The following TADA2B variants were observed in gnomAD, a reference collection of about 807,000 sequenced individuals.
TADA2B encodes transcriptional adaptor 2B.
A neutral mutation model predicts 34.5 loss-of-function variants in TADA2B; 13 were observed. The observed-to-expected ratio is 0.38, with a 90% CI of 0.25 to 0.60. The LOEUF (loss-of-function observed/expected upper bound fraction) is 0.60. TADA2B is among the 20% of genes least tolerant of loss of function. The pLI is 0.65. For missense variants in TADA2B, 442 were observed against 575.0 expected (o/e 0.77, Z 2.37); for synonymous variants, 240 against 243.4 (o/e 0.99, Z 0.13).
chr4:7,050,592 G>A (rs960994196), intron 1 of TADA2B, among the ~76,000 whole-genome samples: 2 of 152,212 alleles, frequency 1.3e-5, no homozygotes, highest in South Asian at 2.1e-4. Flanking sequence ...TGGGGCCACC[G>A]AGGGACAGCA....
chr4:7,051,189 A>G (rs1251275517), intron 1 of TADA2B, among the ~76,000 whole-genome samples: 1 of 152,184 alleles, frequency 6.6e-6, no homozygotes, highest in East Asian at 1.9e-4. Context: ...GGGTCACTGA[A>G]GGCTTCCTGG....
intron 1 of TADA2B, among the ~76,000 whole-genome samples, chr4:7,049,485 A>G (rs527734704): frequency 2.0e-5 from 3 of 152,358 alleles, no homozygotes; most frequent in South Asian, 4.1e-4. Flanking sequence ...TTGAGGGCCA[A>G]TGACAACTCT....
At position 7,054,557 on chromosome 4, in the gene TADA2B, C is replaced by T. The variant is rs1723845181; in HGVS notation, c.766C>T (p.Arg256Cys). 2 of 1,613,736 alleles carry T rather than the reference C, an allele frequency of 1.2e-6. No individual in the cohort carries two copies. The highest frequency in any genetic ancestry group is 1.3e-5 in the African/African-American group (1 of 74,920). ...GATCACCAAGGAGGAGAAGGAGCTG[C>T]GCCTGAAGCTGAGGCCGCTGTACCA... ...RKITKEEKEL[R>C]LKLRPLYQFM... The change falls in exon 2 of 2, where the codon CGC becomes TGC. Residue 256 changes from arginine (R) to cysteine (C), a missense_variant. Transcript: ENST00000310074.
At chr4:7,048,364 G>GGGACAC (rs1401328555) in intron 1 of TADA2B, among the ~76,000 whole-genome samples, 8 of 152,168 alleles carry the variant, frequency 5.3e-5, no homozygotes, top group African/African-American at 1.9e-4. Flanking sequence ...AGCCCACAGT[G>GGGACAC]GGACACCCAG....
Position 7,055,219 on chromosome 4 carries a change from A to G in TADA2B, c.*165A>G, listed in dbSNP as rs1723861879. On this transcript the variant is annotated 3_prime_UTR_variant, in exon 2 of 2. Transcript: ENST00000310074. ...TGGTCCTCTGAAAGAAGCAATAGTA[A>G]CAATCTTATATTGGATCATGGGGGA... The G allele has an allele frequency of 1.4e-6, 1 of 714,560 alleles. No homozygotes were observed. Among genetic ancestry groups the G allele is most frequent in the Admixed American group, 3.0e-5 (1 of 33,356 alleles). The allele number at this position is 714,560 out of a possible 1,614,324, so 44.3% of individuals were successfully genotyped here.
At position 7,054,894 on chromosome 4, in the gene TADA2B, G is replaced by A. The variant is rs375075937; in HGVS notation, c.1103G>A (p.Arg368His). 5 of 1,613,808 alleles carry A rather than the reference G, an allele frequency of 3.1e-6. No homozygotes were observed. Among genetic ancestry groups the A allele is most frequent in the African/African-American group, 2.7e-5 (2 of 74,916 alleles). The change falls in exon 2 of 2, where the codon CGC becomes CAC. Residue 368 changes from arginine to histidine, a missense_variant. By Grantham distance (29) the Arg-to-His change is conservative. This residue lies in a region of TADA2B where 114 missense variants were observed against 144.7 expected (regional missense o/e 0.79). Transcript: ENST00000310074. ...AGCTCTTTAAACTTGAGTCCAGCCC[G>A]CTACGTGACTGTGAAGACTATTATA... ...LCSSLNLSPA[R>H]YVTVKTIIIK...
chr4:7,043,610 T>C lies in TADA2B; in HGVS notation c.31T>C (p.Tyr11His). Reference sequence around the variant, plus strand: ...GGAGCTGGGGAAGAAGTACTGCGTGTACTGCCTGGCCGAGGTGAGCCCGCT... The same window carrying C: ...GGAGCTGGGGAAGAAGTACTGCGTGCACTGCCTGGCCGAGGTGAGCCCGCT... MAELGKKYCV[Y>H]CLAEVSPLRF... Residue 11 changes from tyrosine to histidine, a missense_variant, in exon 1 of 2, where the codon TAC becomes CAC. This residue lies in a region of TADA2B where 102 missense variants were observed against 177.2 expected (regional missense o/e 0.58). Coordinates refer to ENST00000310074, the MANE Select transcript of TADA2B (RefSeq NM_152293.3). 2 of 1,460,178 alleles carry C rather than the reference T, an allele frequency of 1.4e-6. No homozygotes were observed. The highest frequency in any genetic ancestry group is 1.8e-6 in the Non-Finnish European group (2 of 1,092,968). 90.5% of individuals were successfully genotyped at this position (1,460,178 alleles called of 1,614,324 possible).
chr4:7,055,254 GT>G lies in TADA2B; in HGVS notation c.*201del, dbSNP rs1723862717. 1 of 601,198 alleles carries G rather than the reference GT, an allele frequency of 1.7e-6. No homozygotes were observed. Among genetic ancestry groups the G allele is most frequent in the African/African-American group, 1.9e-5 (1 of 53,982 alleles). The allele number at this position is 601,198 out of a possible 1,614,324, so 37.2% of individuals were successfully genotyped here. On this transcript the variant is annotated 3_prime_UTR_variant, in exon 2 of 2. Transcript: ENST00000310074. ...ATTGGATCATGGGGGAAGCAAATGT[GT>G]GTATTTTAAGTGAGTTCCTGCGAGT... is the stretch of plus-strand genomic sequence containing the variant.
chr4:7,051,596 T>C (rs1309240894), intron 1 of TADA2B, among the ~76,000 whole-genome samples: 1 of 152,088 alleles, frequency 6.6e-6, no homozygotes, highest in Non-Finnish European at 1.5e-5. Context: ...AAGTTTTTTT[T>C]TTTTTTTGGT....
Position 7,055,089 on chromosome 4 carries a change from G to A in TADA2B, c.*35G>A, listed in dbSNP as rs767045909. The stretch of plus-strand genomic sequence containing the variant: ...GCTTTGAAAGCCAGGGTGATGCTCA[G>A]ACAGTGTGCCAGCCAAAATGACTTG... On this transcript the variant is annotated 3_prime_UTR_variant, in exon 2 of 2. Transcript: ENST00000310074. 1.9e-6 allele frequency: 3 copies of A among 1,556,920 alleles called. No individual in the cohort carries two copies. The highest frequency in any genetic ancestry group is 2.4e-5 in the South Asian group (2 of 82,548).
chr4:7,043,958 C>G lies in TADA2B; in HGVS notation c.270+109C>G, dbSNP rs531686976. The G allele has an allele frequency of 6.6e-5, 86 of 1,304,804 alleles. 2 individuals carry two copies. The South Asian group carries it at 1.6e-3, about 24-fold the overall frequency. 80.8% of individuals were successfully genotyped at this position (1,304,804 alleles called of 1,614,324 possible). A position where few individuals can be genotyped will look rare whatever the true frequency, so the allele number is the denominator to read the frequency against. On this transcript the variant is annotated intron_variant, in intron 1 of 1. Coordinates refer to ENST00000310074, the MANE Select transcript of TADA2B (RefSeq NM_152293.3). ...TGGACCTGCTCGCTCGCTCCGCACC[C>G]CAGAAGGCCCCGGAGGTGGGGAGGG...
Position 7,057,034 on chromosome 4 carries a change from G to A in TADA2B, c.*1980G>A, listed in dbSNP as rs1343809727. 6.6e-6 allele frequency: 1 copy of A among 152,232 alleles called. No individual in the cohort carries two copies. Among genetic ancestry groups the A allele is most frequent in the African/African-American group, 2.4e-5 (1 of 41,462 alleles). The allele number at this position is 152,232 out of a possible 1,614,324, so 9.4% of individuals were successfully genotyped here. A position where few individuals can be genotyped will look rare whatever the true frequency, so the allele number is the denominator to read the frequency against. On this transcript the variant is annotated 3_prime_UTR_variant, in exon 2 of 2. Transcript: ENST00000310074. ...ATGTAAGCTTGCTTGAGAACTATGGGTTTTAGCTATTCTGGTGTCTCCCTG... is the reference window on the plus strand; with the variant it reads ...ATGTAAGCTTGCTTGAGAACTATGGATTTTAGCTATTCTGGTGTCTCCCTG...
rs1430120873 is a variant in TADA2B at position 7,057,794 on chromosome 4, T to C, written c.*2740T>C. The C allele has an allele frequency of 9.7e-6, 1 of 103,282 alleles. No homozygotes were observed. Among genetic ancestry groups the C allele is most frequent in the Non-Finnish European group, 2.3e-5 (1 of 44,378 alleles). The allele number at this position is 103,282 out of a possible 1,614,324, so 6.4% of individuals were successfully genotyped here. ...GAGCAAGACTCCATCTCAAAAAAAA[T>C]CTAAGCAAACTATCTTTGAGTCAAA... is the stretch of plus-strand genomic sequence containing the variant. On this transcript the variant is annotated 3_prime_UTR_variant, in exon 2 of 2. Transcript: ENST00000310074.
At chr4:7,053,870 T>C in intron 1 of TADA2B, 192 bp from the exon 2 acceptor site, 1 of 611,570 alleles carries the variant, frequency 1.6e-6, no homozygotes. Context: ...GTGTTGTTGC[T>C]TCAACATTGT....
At chr4:7,048,316 T>TG (rs1723683727) in intron 1 of TADA2B, among the ~76,000 whole-genome samples, 1 of 151,814 alleles carries the variant, frequency 6.6e-6, no homozygotes. Context: ...GGAGAGTGGC[T>TG]GGGAGGGGCA....
rs1433844599 is a variant in TADA2B, at chr4:7,056,974, A to G, written c.*1920A>G. On this transcript the variant is annotated 3_prime_UTR_variant, in exon 2 of 2. Coordinates refer to ENST00000310074, the MANE Select transcript of TADA2B (RefSeq NM_152293.3). The stretch of plus-strand genomic sequence containing the variant: ...ATCAAAATGGTGTGCGGCAGGGTGC[A>G]GCGAGCTGTTTTCACGAGGCCTCCA... 4 of 152,246 alleles carry G rather than the reference A, an allele frequency of 2.6e-5. No individual in the cohort carries two copies. The highest frequency in any genetic ancestry group is 5.9e-5 in the Non-Finnish European group (4 of 68,048). The allele number at this position is 152,246 out of a possible 1,614,324, so 9.4% of individuals were successfully genotyped here.
intron 1 of TADA2B, among the ~76,000 whole-genome samples, chr4:7,050,777 G>A (rs1035726736): frequency 3.3e-5 from 5 of 152,268 alleles, no homozygotes; most frequent in Non-Finnish European, 7.3e-5. Flanking sequence ...AAGAAGAGCA[G>A]AAGCCCAGCG....
intron 1 of TADA2B, 121 bp downstream of exon 1, chr4:7,043,970 G>A: frequency 8.0e-7 from 1 of 1,250,250 alleles, no homozygotes; most frequent in Non-Finnish European, 1.0e-6. Flanking sequence ...AGAAGGCCCC[G>A]GAGGTGGGGA....
chr4:7,049,742 A>T (rs1267696657), intron 1 of TADA2B, among the ~76,000 whole-genome samples: 2 of 152,232 alleles, frequency 1.3e-5, no homozygotes, highest in Non-Finnish European at 2.9e-5. Flanking sequence ...GGTGTCCTCA[A>T]GTTGTCTCTT....
Sources: gnomAD v4.1 joint callset for allele counts (sites outside exome capture counted in the v4.1 genomes callset) on GRCh38, gnomAD v4.1.1 for gene constraint, gnomAD v4.1.1 regional missense constraint, MANE v1.5 for transcripts, NCBI Gene and HGNC (gene_info 2026-07-23, HGNC 2026-07-21) for gene names.